Variants in INPP5A observed in about 807,000 individuals in gnomAD.
INPP5A encodes the protein inositol polyphosphate-5-phosphatase A, also known as 43 kDa inositol polyphosphate 5-phophatase.
In INPP5A, 14 loss-of-function variants were observed where a neutral mutation model predicts 65.2. The observed-to-expected ratio is 0.21, with a 90% confidence interval of 0.14 to 0.34. The LOEUF is 0.34. Ranked by LOEUF, INPP5A falls within the 10% of genes least tolerant of loss-of-function variation. The pLI is 1.00. For synonymous variants in INPP5A, 207 were observed against 208.3 expected (o/e 0.99, Z 0.05); for missense variants, 431 against 545.6 (o/e 0.79, Z 2.09).
At chr10:132,748,220 C>T (rs1267309956) in intron 9 of INPP5A, among the ~76,000 whole-genome samples, 1 of 152,158 alleles carries the variant, frequency 6.6e-6, no homozygotes, top group African/African-American at 2.4e-5. Context: ...GCCTCTGTCT[C>T]TCCGACTTCG....
At chr10:132,761,307 G>C (rs934742371) in intron 11 of INPP5A, among the ~76,000 whole-genome samples, 1 of 152,222 alleles carries the variant, frequency 6.6e-6, no homozygotes, top group Non-Finnish European at 1.5e-5. Flanking sequence ...GAGACCACAC[G>C]CTGGGAACAG....
intron 8 of INPP5A, among the ~76,000 whole-genome samples, chr10:132,720,252 G>A (rs1336393322): frequency 6.6e-6 from 1 of 150,498 alleles, no homozygotes; most frequent in Non-Finnish European, 1.5e-5. Context: ...CTGTCTTGCG[G>A]GTTCTGTGGT....
intron 1 of INPP5A, among the ~76,000 whole-genome samples, chr10:132,548,792 CTTTTT>C (rs71013535): frequency 2.5e-5 from 2 of 79,314 alleles, no homozygotes; most frequent in African/African-American, 5.0e-5. Flanking sequence ...GTTTATCTGG[CTTTTT>C]TTTTTTTTTT....
chr10:132,781,776 G>A (rs1847165848), intron 14 of INPP5A, 85 bp from the exon 15 acceptor site: 3 of 1,119,294 alleles, frequency 2.7e-6, no homozygotes, highest in Admixed American at 3.4e-5. Context: ...GAGACGCAGG[G>A]TCTGGGGGTG....
At chr10:132,687,886 C>T (rs1456629837) in intron 4 of INPP5A, among the ~76,000 whole-genome samples, 1 of 152,262 alleles carries the variant, frequency 6.6e-6, no homozygotes, top group Non-Finnish European at 1.5e-5. Context: ...GTGCACAGGA[C>T]TCAGGCTTGC....
chr10:132,729,527 C>G (rs1347903962), intron 9 of INPP5A, among the ~76,000 whole-genome samples: 2 of 152,216 alleles, frequency 1.3e-5, no homozygotes, highest in Non-Finnish European at 2.9e-5. Flanking sequence ...AGTGGGCTCT[C>G]CGGACCTTCC....
At chr10:132,716,584 T>C (rs984079159) in intron 8 of INPP5A, among the ~76,000 whole-genome samples, 5 of 152,142 alleles carry the variant, frequency 3.3e-5, no homozygotes, top group African/African-American at 9.7e-5. Flanking sequence ...TGCTGGGCCA[T>C]GGGGGCCGTG....
chr10:132,765,994 C>A, intron 12 of INPP5A, 148 bp downstream of exon 12: 1 of 650,788 alleles, frequency 1.5e-6, no homozygotes, highest in South Asian at 1.8e-5. Context: ...GTGTGTGTAC[C>A]ATACCTGTGT....
intron 1 of INPP5A, among the ~76,000 whole-genome samples, chr10:132,607,369 G>A (rs1194124870): frequency 2.0e-5 from 3 of 152,228 alleles, no homozygotes; most frequent in Admixed American, 6.5e-5. Context: ...TCTAGCAAGT[G>A]CTTTCTGAAG....
intron 12 of INPP5A, among the ~76,000 whole-genome samples, chr10:132,775,485 A>G (rs762034447): frequency 3.7e-4 from 57 of 152,124 alleles, no homozygotes; most frequent in Admixed American, 1.6e-3. Flanking sequence ...GGTTGTGTGC[A>G]GTCCACACTG....
intron 2 of INPP5A, among the ~76,000 whole-genome samples, chr10:132,629,309 T>A (rs142573253): frequency 1.3e-3 from 199 of 152,342 alleles, no homozygotes; most frequent in African/African-American, 4.7e-3. Flanking sequence ...ACCCCAGCTC[T>A]GTTGTAGGGC....
intron 11 of INPP5A, among the ~76,000 whole-genome samples, chr10:132,750,518 C>T (rs115180453): frequency 2.1e-3 from 320 of 152,262 alleles, no homozygotes; most frequent in African/African-American, 7.2e-3. Flanking sequence ...TGTAGGCGAG[C>T]GCTGAGGGGC....
chr10:132,597,243 A>G (rs2071715037), intron 1 of INPP5A, among the ~76,000 whole-genome samples: 2 of 152,336 alleles, frequency 1.3e-5, no homozygotes. Context: ...GCCCTAAGTG[A>G]CAGAACCTTT....
chr10:132,626,811 C>T (rs1375227409), intron 2 of INPP5A, among the ~76,000 whole-genome samples: 2 of 152,216 alleles, frequency 1.3e-5, no homozygotes, highest in African/African-American at 2.4e-5. Flanking sequence ...TGGGAGGCCC[C>T]TTGTTGGCTC....
intron 11 of INPP5A, among the ~76,000 whole-genome samples, chr10:132,757,955 G>A (rs546153732): frequency 2.7e-5 from 4 of 146,400 alleles, no homozygotes; most frequent in East Asian, 2.1e-4. Context: ...GCACCATGGC[G>A]TGGGTGCCCG....
intron 12 of INPP5A, among the ~76,000 whole-genome samples, chr10:132,771,448 G>T (rs1159714027): frequency 6.6e-6 from 1 of 152,222 alleles, no homozygotes; most frequent in Non-Finnish European, 1.5e-5. Context: ...TGCCACATCC[G>T]TGCAATGCCA....
chr10:132,647,022 C>G (rs1053418741), intron 3 of INPP5A, among the ~76,000 whole-genome samples: 1 of 152,130 alleles, frequency 6.6e-6, no homozygotes, highest in Non-Finnish European at 1.5e-5. Flanking sequence ...ACTCCCAGCG[C>G]AGGGTCCTCG....
Position 132,706,246 on chromosome 10 carries a change from A to T in INPP5A, c.475-2067A>T, listed in dbSNP as rs1194576775. 6.6e-6 allele frequency among the ~76,000 whole-genome samples: 1 copy of T among 152,240 alleles called. No homozygotes were observed. The highest frequency in any genetic ancestry group is 1.5e-5 in the Non-Finnish European group (1 of 68,048). ...TTTGTATGTTTTTTATTTTTATAGA[A>T]AGGAGCAGTTAAAAGACATAAAGAC... On this transcript the variant is annotated intron_variant, in intron 6 of 15. Transcript: ENST00000368594. This position sits in a 1 kb window ranked among gnomAD's most constrained non-coding sequence, Gnocchi z 4.7.
chr10:132,548,976 A>G (rs554537965), intron 1 of INPP5A, among the ~76,000 whole-genome samples: 1 of 151,950 alleles, frequency 6.6e-6, no homozygotes, highest in Non-Finnish European at 1.5e-5. Context: ...AATTTTTTGT[A>G]GGTATGGGGT....
Sources: allele counts gnomAD v4.1 joint callset (sites outside exome capture counted in the v4.1 genomes callset), GRCh38; gene constraint gnomAD v4.1.1; non-coding constraint Gnocchi (gnomAD v3.1); transcripts MANE v1.5; gene names NCBI Gene and HGNC (gene_info 2026-07-23, HGNC 2026-07-21).